Variants in MYO5C observed in about 807,000 individuals in gnomAD.
MYO5C encodes the protein myosin VC.
MYO5C carries 194 observed loss-of-function variants against 235.7 expected under a neutral mutation model. That is an observed-to-expected ratio of 0.82 (90% CI 0.73 to 0.93). The LOEUF (loss-of-function observed/expected upper bound fraction) is 0.93. MYO5C is among the 40% of genes least tolerant of loss of function. The pLI, the probability that MYO5C is intolerant of heterozygous loss-of-function variation, is 0.00. For synonymous variants in MYO5C, 707 were observed against 754.8 expected (o/e 0.94, Z 1.04); for missense variants, 2,038 against 2,127.2 (o/e 0.96, Z 0.82).
rs116883163 is a variant in MYO5C, at chr15:52,225,024, G to A, written c.3366-43C>T. 4.0e-3 allele frequency: 6,514 copies of A among 1,612,214 alleles called. 150 individuals are homozygous for A. The Admixed American group carries it at 0.046, about 11-fold the overall frequency. The stretch of plus-strand genomic sequence containing the variant: ...TAAGAAAATCTATCATCTCTGTCAC[G>A]TTTTACATGTTTACATGTCTTAAAA... On this transcript the variant is annotated intron_variant, in intron 27 of 40. Transcript: ENST00000261839.
At position 52,271,819 on chromosome 15, in the gene MYO5C, A is replaced by G. The variant is rs770377570; in HGVS notation, c.776T>C (p.Ile259Thr). The change falls in exon 7 of 41, where the codon ATT (isoleucine) becomes ACT (threonine). Residue 259 changes from isoleucine to threonine, a missense_variant. Transcript: ENST00000261839. ...TGCAGATGCACAAAGCTGATAGAAA[A>G]TGTGGTAATTTCGTTCATTTTCCGA... The part of the protein sequence containing the change: ...FQSENERNYH[I>T]FYQLCASAQQ... 1.9e-6 allele frequency: 3 copies of G among 1,587,304 alleles called. No homozygotes were observed. Among genetic ancestry groups the G allele is most frequent in the Non-Finnish European group, 1.7e-6 (2 of 1,160,766 alleles).
chr15:52,273,294 G>C lies in MYO5C; in HGVS notation c.607-571C>G, dbSNP rs114009958. Among the ~76,000 whole-genome samples the C allele has an allele frequency of 4.3e-3, 655 of 152,326 alleles. 3 individuals carry two copies. The highest frequency in any genetic ancestry group is 0.014 in the African/African-American group (570 of 41,574). On this transcript the variant is annotated intron_variant, in intron 5 of 40. Transcript: ENST00000261839. ...GCTATGATTGCACCACCGCACTCCA[G>C]CCTGGGTAACTTAGCGAGACCCTGT... is the stretch of plus-strand genomic sequence containing the variant.
At chr15:52,216,644 GA>G (rs113865164) in intron 32 of MYO5C, among the ~76,000 whole-genome samples, 13 of 146,744 alleles carry the variant, frequency 8.9e-5, no homozygotes, top group South Asian at 4.3e-4. Context: ...AAAGAGTCTG[GA>G]AAAAAAAAAG....
At chr15:52,197,540 T>A (rs1439299892) in intron 38 of MYO5C, among the ~76,000 whole-genome samples, 3 of 152,230 alleles carry the variant, frequency 2.0e-5, no homozygotes, top group Non-Finnish European at 4.4e-5. Flanking sequence ...GGTTTCGTTC[T>A]GGAGGGATGA....
At chr15:52,280,424 G>A (rs1027815959) in intron 2 of MYO5C, among the ~76,000 whole-genome samples, 6 of 152,242 alleles carry the variant, frequency 3.9e-5, no homozygotes, top group Non-Finnish European at 5.9e-5. Context: ...AAGGTGAGGC[G>A]AGCATGCCCC....
intron 32 of MYO5C, among the ~76,000 whole-genome samples, chr15:52,215,044 G>A (rs1003256991): frequency 2.0e-5 from 3 of 152,076 alleles, no homozygotes; most frequent in Admixed American, 1.3e-4. Flanking sequence ...GTGTGTGTCT[G>A]GCTTCTTTCA....
At position 52,278,977 on chromosome 15, in the gene MYO5C, T is replaced by C. The variant is rs934679575; in HGVS notation, c.345A>G (p.Pro115=). Residue 115 remains proline (P), a synonymous_variant, in exon 4 of 41, where the codon CCA becomes CCG. Transcript: ENST00000261839. The part of the protein sequence containing the change: ...LVAMNPYKQL[P]IYGDAIIHAY... The stretch of plus-strand genomic sequence containing the variant: ...CGTGGATGATGGCATCTCCGTATAT[T>C]GGCAACTGCTTGTAAGGATTCATGG... 4.3e-6 allele frequency: 7 copies of C among 1,613,880 alleles called. No homozygotes were observed. The highest frequency in any genetic ancestry group is 2.7e-5 in the African/African-American group (2 of 74,884).
chr15:52,290,372 A>G (rs1244595884), intron 1 of MYO5C, among the ~76,000 whole-genome samples: 1 of 152,106 alleles, frequency 6.6e-6, no homozygotes, highest in African/African-American at 2.4e-5. Context: ...AGAAGTCTAA[A>G]AACTATTTAG....
chr15:52,209,048 G>T (rs554620319), intron 35 of MYO5C, among the ~76,000 whole-genome samples: 1 of 152,282 alleles, frequency 6.6e-6, no homozygotes, highest in African/African-American at 2.4e-5. Context: ...AGAGCAGCCA[G>T]GGAAACCTCA....
intron 18 of MYO5C, among the ~76,000 whole-genome samples, 180 bp downstream of exon 18, chr15:52,245,174 C>T (rs2036310917): frequency 6.6e-6 from 1 of 152,216 alleles, no homozygotes; most frequent in African/African-American, 2.4e-5. Context: ...AACGGGGACT[C>T]ATGGCCCACT....
Position 52,204,960 on chromosome 15 carries a change from C to G in MYO5C, c.4725G>C (p.Ala1575=), listed in dbSNP as rs375831577. ...CGATCAAGAAGAAGAGCTGCTTCAC[C>G]GCCTGCCTCACAAGCTCGGGGTCCA... ...NGLDPELVRQ[A]VKQLFFLIGA... The change falls in exon 38 of 41, where the codon GCG becomes GCC. Residue 1575 remains alanine, a synonymous_variant. Coordinates refer to ENST00000261839, the MANE Select transcript of MYO5C (RefSeq NM_018728.4). 3.1e-6 allele frequency: 5 copies of G among 1,614,120 alleles called. No individual in the cohort carries two copies. In the African/African-American group the frequency reaches 4.0e-5, roughly 13 times the overall value.
chr15:52,258,602 A>G (rs1339675816), intron 10 of MYO5C, among the ~76,000 whole-genome samples: 1 of 152,244 alleles, frequency 6.6e-6, no homozygotes, highest in Non-Finnish European at 1.5e-5. Flanking sequence ...AGCTTTCTCA[A>G]AAGTTGCAGG....
In MYO5C at chr15:52,214,544, C is replaced by T. The variant is rs889315490; in HGVS notation, c.4042+59G>A. On this transcript the variant is annotated intron_variant, in intron 33 of 40. Transcript: ENST00000261839. ...AGCTTTGGACCAGAAAGAAAATAAA[C>T]ACTTGAGCGCATGTTAGCCTTAGCT... 1.6e-5 allele frequency: 19 copies of T among 1,215,146 alleles called. No homozygotes were observed. The African/African-American group carries it at 2.6e-4, about 17-fold the overall frequency. The allele number at this position is 1,215,146 out of a possible 1,614,324, so 75.3% of individuals were successfully genotyped here.
chr15:52,223,892 ATCT>A (rs1596157658), intron 28 of MYO5C, among the ~76,000 whole-genome samples, 168 bp from the exon 29 acceptor site: 1 of 152,194 alleles, frequency 6.6e-6, no homozygotes, highest in African/African-American at 2.4e-5. Context: ...TAATTATAAA[ATCT>A]TCTAGCTAGT....
intron 17 of MYO5C, 23 bp from the exon 18 acceptor site, chr15:52,245,488 A>G (rs1325747522): frequency 1.9e-6 from 3 of 1,543,128 alleles, no homozygotes; most frequent in Non-Finnish European, 2.7e-6. Flanking sequence ...AGGGGATCAA[A>G]GCCAGGAGTG....
In MYO5C at chr15:52,192,468, G is replaced by A. The variant is rs1031857457; in HGVS notation, c.*1434C>T. On this transcript the variant is annotated 3_prime_UTR_variant, in exon 41 of 41. Coordinates refer to ENST00000261839, the MANE Select transcript of MYO5C (RefSeq NM_018728.4). ...TAGCAGGGTGATGCTTCATAATCAT[G>A]TATTATTCCTACCTCTAAGACACCA... is the stretch of plus-strand genomic sequence containing the variant. The A allele has an allele frequency of 6.6e-6, 1 of 152,176 alleles. No homozygotes were observed. The allele number at this position is 152,176 out of a possible 1,614,324, so 9.4% of individuals were successfully genotyped here.
At chr15:52,195,105 G>A (rs1203367610) in intron 40 of MYO5C, among the ~76,000 whole-genome samples, 1 of 152,146 alleles carries the variant, frequency 6.6e-6, no homozygotes, top group African/African-American at 2.4e-5. Flanking sequence ...CACTTGCACA[G>A]TATTCAACGA....
At chr15:52,269,916 C>T (rs1217513096) in intron 7 of MYO5C, 56 bp from the exon 8 acceptor site, 3 of 1,192,574 alleles carry the variant, frequency 2.5e-6, no homozygotes, top group Non-Finnish European at 3.7e-6. Flanking sequence ...TGGACATACA[C>T]ATTTATCAGA....
intron 21 of MYO5C, among the ~76,000 whole-genome samples, chr15:52,237,927 C>T (rs780899516): frequency 1.3e-4 from 20 of 149,062 alleles, no homozygotes; most frequent in Admixed American, 3.3e-4. Flanking sequence ...GTGCCCCCCG[C>T]CAAAATTCAT....
Sources: gnomAD v4.1 joint callset for allele counts (sites outside exome capture counted in the v4.1 genomes callset) on GRCh38, gnomAD v4.1.1 for gene constraint, MANE v1.5 for transcripts, NCBI Gene and HGNC (gene_info 2026-07-23, HGNC 2026-07-21) for gene names.